PRKCE: variants seen among roughly 807,000 people sequenced by gnomAD.
PRKCE encodes protein kinase C epsilon type.
Under a neutral mutation model 85.4 loss-of-function variants are expected in PRKCE, and 16 were observed. The observed-to-expected ratio is 0.19, with a 90% CI of 0.13 to 0.28. PRKCE has a LOEUF of 0.28. PRKCE is among the 10% of genes least tolerant of loss of function. The pLI is 1.00. For missense variants in PRKCE, 573 were observed against 975.2 expected (o/e 0.59, Z 5.49); for synonymous variants, 388 against 371.5 (o/e 1.04, Z -0.51).
At chr2:45,972,213 T>C in intron 2 of PRKCE, among the ~76,000 whole-genome samples, 1 of 152,208 alleles carries the variant, frequency 6.6e-6, no homozygotes, top group Non-Finnish European at 1.5e-5. Flanking sequence ...TGATGATTAG[T>C]GATGTAGAAC....
intron 2 of PRKCE, 70 bp downstream of exon 2, chr2:45,843,133 C>CT: frequency 7.4e-7 from 1 of 1,360,164 alleles, no homozygotes; most frequent in South Asian, 1.2e-5. Context: ...TCTTCTTTCC[C>CT]CCCCTTGGCC....
At chr2:45,744,245 C>T (rs1465631575) in intron 1 of PRKCE, among the ~76,000 whole-genome samples, 1 of 152,112 alleles carries the variant, frequency 6.6e-6, no homozygotes, top group Non-Finnish European at 1.5e-5. Context: ...AGCTCTCAAT[C>T]AATGGTAGTG....
At chr2:45,893,716 A>T (rs572919661) in intron 2 of PRKCE, among the ~76,000 whole-genome samples, 4 of 151,804 alleles carry the variant, frequency 2.6e-5, no homozygotes, top group Non-Finnish European at 4.4e-5. Context: ...TTCCCACCTC[A>T]TGGGCCACTC....
chr2:45,814,265 C>T (rs1438544180), intron 1 of PRKCE, among the ~76,000 whole-genome samples: 1 of 152,208 alleles, frequency 6.6e-6, no homozygotes, highest in Non-Finnish European at 1.5e-5. Flanking sequence ...TTGATCAGTG[C>T]AGCCCATCAA....
chr2:46,110,919 T>G (rs1341735849), intron 11 of PRKCE, among the ~76,000 whole-genome samples: 1 of 152,220 alleles, frequency 6.6e-6, no homozygotes, highest in African/African-American at 2.4e-5. Context: ...AAAGTATTTT[T>G]AAATATTTCT....
At chr2:45,831,029 G>C (rs1690378691) in intron 1 of PRKCE, among the ~76,000 whole-genome samples, 1 of 152,248 alleles carries the variant, frequency 6.6e-6, no homozygotes, top group African/African-American at 2.4e-5. Flanking sequence ...CAGCAGACCA[G>C]AGAGCGTCAG....
intron 2 of PRKCE, among the ~76,000 whole-genome samples, chr2:45,926,729 A>G (rs532071719): frequency 1.3e-5 from 2 of 152,256 alleles, no homozygotes; most frequent in African/African-American, 2.4e-5. Flanking sequence ...GCATTCAGAC[A>G]GAGGGGCTCC....
intron 2 of PRKCE, among the ~76,000 whole-genome samples, chr2:45,879,779 A>G (rs1019980138): frequency 2.0e-5 from 3 of 152,250 alleles, no homozygotes; most frequent in African/African-American, 7.2e-5. Context: ...AATTACGCAT[A>G]TTCATAGGGT....
In PRKCE at chr2:46,114,603, T is replaced by G. The variant is rs144631474; in HGVS notation, c.1592+28241T>G. ...TGGCTAATTTTTTGTGTTTTTTTAGTAGAGATGGAGTTTCACCATGTTAGC... is the reference window on the plus strand; with the variant it reads ...TGGCTAATTTTTTGTGTTTTTTTAGGAGAGATGGAGTTTCACCATGTTAGC... On this transcript the variant is annotated intron_variant, in intron 11 of 14. Coordinates refer to ENST00000306156, the MANE Select transcript of PRKCE (RefSeq NM_005400.3). 2.8e-3 allele frequency among the ~76,000 whole-genome samples: 430 copies of G among 151,780 alleles called. 6 individuals are homozygous for G. The highest frequency in any genetic ancestry group is 0.01 in the African/African-American group (417 of 41,354).
chr2:45,938,016 G>T (rs759075866), intron 2 of PRKCE, among the ~76,000 whole-genome samples: 3 of 152,174 alleles, frequency 2.0e-5, no homozygotes, highest in Non-Finnish European at 2.9e-5. Context: ...TTTACGTTAC[G>T]CACCACTAAT....
intron 2 of PRKCE, 106 bp from the exon 3 acceptor site, chr2:45,976,323 C>G: frequency 1.5e-6 from 2 of 1,355,886 alleles, no homozygotes; most frequent in African/African-American, 1.4e-5. Flanking sequence ...CTCTCACCCA[C>G]CCCAGCTCCA....
chr2:46,064,103 G>A (rs1307916587), intron 10 of PRKCE, among the ~76,000 whole-genome samples: 1 of 151,940 alleles, frequency 6.6e-6, no homozygotes, highest in Non-Finnish European at 1.5e-5. Flanking sequence ...CCAACATGGT[G>A]AAACCCTGTA....
intron 1 of PRKCE, among the ~76,000 whole-genome samples, chr2:45,716,934 A>G (rs1680175024): frequency 6.6e-6 from 1 of 152,194 alleles, no homozygotes; most frequent in Admixed American, 6.5e-5. Flanking sequence ...AAACCATCAG[A>G]TCTTGTGAGA....
At chr2:45,815,773 A>G (rs1218990293) in intron 1 of PRKCE, among the ~76,000 whole-genome samples, 4 of 152,212 alleles carry the variant, frequency 2.6e-5, no homozygotes, top group Admixed American at 2.0e-4. Context: ...AGAGTGGAAA[A>G]TCACTACTTC....
chr2:45,918,751 C>G (rs1698021343), intron 2 of PRKCE, among the ~76,000 whole-genome samples: 1 of 151,884 alleles, frequency 6.6e-6, no homozygotes, highest in Admixed American at 6.6e-5. Context: ...GCTGAGGCAC[C>G]GCAGGGCTGA....
intron 11 of PRKCE, among the ~76,000 whole-genome samples, chr2:46,123,790 T>A (rs1233322420): frequency 6.6e-6 from 1 of 152,124 alleles, no homozygotes; most frequent in African/African-American, 2.4e-5. Context: ...CCTGCCAAGT[T>A]TTATGTTGTA....
At position 45,890,031 on chromosome 2, in the gene PRKCE, A is replaced by G. The variant is rs111623179; in HGVS notation, c.412+46968A>G. Among the ~76,000 whole-genome samples the G allele has an allele frequency of 7.5e-3, 1,144 of 152,318 alleles. 6 individuals carry two copies. Among genetic ancestry groups the G allele is most frequent in the South Asian group, 0.02 (98 of 4,824 alleles). On this transcript the variant is annotated intron_variant, in intron 2 of 14. Transcript: ENST00000306156. Reference sequence around the variant, plus strand: ...TTATTACTGAATCCCAGCTTTTTCTAATACATGGAGCTCAGTGCTTACTGT... The same window carrying G: ...TTATTACTGAATCCCAGCTTTTTCTGATACATGGAGCTCAGTGCTTACTGT...
chr2:45,751,645 T>A (rs1257893162), intron 1 of PRKCE, among the ~76,000 whole-genome samples: 1 of 152,078 alleles, frequency 6.6e-6, no homozygotes, highest in African/African-American at 2.4e-5. Context: ...AGACAGAATA[T>A]GATTAATACA....
chr2:46,032,058 G>A (rs906931116), intron 10 of PRKCE, among the ~76,000 whole-genome samples: 2 of 152,126 alleles, frequency 1.3e-5, no homozygotes, highest in African/African-American at 2.4e-5. Context: ...TTTGCGCAGT[G>A]GAAATAATAC....
Sources: gnomAD v4.1 joint callset for allele counts (sites outside exome capture counted in the v4.1 genomes callset) on GRCh38, gnomAD v4.1.1 for gene constraint, MANE v1.5 for transcripts, NCBI Gene and HGNC (gene_info 2026-07-23, HGNC 2026-07-21) for gene names.